LRIG3: variants seen among roughly 807,000 people sequenced by gnomAD.
LRIG3 encodes leucine rich repeats and immunoglobulin like domains 3, also known as leucine-rich repeats and immunoglobulin-like domains protein 3.
In LRIG3, 76 loss-of-function variants were observed where a neutral mutation model predicts 114.5. That is an observed-to-expected ratio of 0.66 (90% confidence interval 0.55 to 0.80). The LOEUF (loss-of-function observed/expected upper bound fraction) is 0.80, where lower values mean the gene tolerates loss of function less well. Ranked by LOEUF, LRIG3 falls within the 30% of genes least tolerant of loss-of-function variation. The pLI is 0.00. For synonymous variants in LRIG3, 512 were observed against 519.8 expected (o/e 0.98, Z 0.20); for missense variants, 1,239 against 1,382.8 (o/e 0.90, Z 1.65).
At position 58,874,332 on chromosome 12, in the gene LRIG3, T is replaced by C. The variant is rs1870839485; in HGVS notation, c.2840-2A>G. On this transcript the variant is annotated splice_acceptor_variant, in intron 17 of 18. Coordinates refer to ENST00000320743, the MANE Select transcript of LRIG3 (RefSeq NM_153377.5). LOFTEE classifies it high-confidence loss of function. ...CTGTTCTTGGGTCAGGACTGCAACC[T>C]TTTTAATATGGGGGCAGTAACAGAA... 1 of 1,606,682 alleles carries C rather than the reference T, an allele frequency of 6.2e-7. No homozygotes were observed. The highest frequency in any genetic ancestry group is 8.5e-7 in the Non-Finnish European group (1 of 1,176,792).
intron 1 of LRIG3, 75 bp from the exon 2 acceptor site, chr12:58,914,411 T>C: frequency 8.7e-7 from 1 of 1,148,490 alleles, no homozygotes; most frequent in Non-Finnish European, 1.3e-6. Flanking sequence ...TTATGAAGTA[T>C]CTCTATGAAC....
At chr12:58,889,874 A>T in intron 5 of LRIG3, 122 bp downstream of exon 5, 3 of 1,260,990 alleles carry the variant, frequency 2.4e-6, no homozygotes, top group South Asian at 3.2e-5. Flanking sequence ...TCCAACTCTC[A>T]AAGGAAAGGC....
At chr12:58,905,598 C>T (rs1305598854) in intron 3 of LRIG3, among the ~76,000 whole-genome samples, 1 of 152,120 alleles carries the variant, frequency 6.6e-6, no homozygotes, top group Non-Finnish European at 1.5e-5. Context: ...GTGGTCGTAC[C>T]GATAGGCCCT....
rs1448332587 is a variant in LRIG3 at position 58,885,871 on chromosome 12, T to C, written c.1204A>G (p.Thr402Ala). Reference sequence around the variant, plus strand: ...TCCAAACCAGTGAAGGCTTTTTTAGTAATAGAACGGATCCGATTTCCTTGG... The same window carrying C: ...TCCAAACCAGTGAAGGCTTTTTTAGCAATAGAACGGATCCGATTTCCTTGG... ...ILQGNRIRSI[T>A]KKAFTGLDAL... The change falls in exon 10 of 19, where the codon ACT (threonine) becomes GCT (alanine). Residue 402 changes from threonine to alanine, a missense_variant. By Grantham distance (58) the Thr-to-Ala change is moderately conservative. Coordinates refer to ENST00000320743, the MANE Select transcript of LRIG3 (RefSeq NM_153377.5). 3.1e-6 allele frequency: 5 copies of C among 1,591,406 alleles called. No individual in the cohort carries two copies. Among genetic ancestry groups the C allele is most frequent in the African/African-American group, 1.3e-5 (1 of 74,418 alleles).
At chr12:58,897,183 C>T (rs910123110) in intron 3 of LRIG3, among the ~76,000 whole-genome samples, 18 of 152,148 alleles carry the variant, frequency 1.2e-4, no homozygotes, top group Non-Finnish European at 5.9e-5. Flanking sequence ...ATTGGTACTG[C>T]AGCATCAAAG....
intron 4 of LRIG3, 142 bp from the exon 5 acceptor site, chr12:58,890,281 C>A: frequency 1.1e-6 from 1 of 896,496 alleles, no homozygotes; most frequent in South Asian, 2.2e-5. Flanking sequence ...TCCTCAAGGA[C>A]AGATGTTAAG....
intron 13 of LRIG3, 79 bp from the exon 14 acceptor site, chr12:58,879,184 T>C: frequency 6.9e-7 from 1 of 1,443,946 alleles, no homozygotes. Flanking sequence ...ATTATTTGTT[T>C]GTTTGTTTGA....
At position 58,914,330 on chromosome 12, in the gene LRIG3, T is replaced by TC; in HGVS notation, c.242_243insG (p.Ser82LysfsTer28). On this transcript the variant is annotated frameshift_variant, in exon 2 of 19. Coordinates refer to ENST00000320743, the MANE Select transcript of LRIG3 (RefSeq NM_153377.5). LOFTEE classifies it high-confidence loss of function. ...TGATGAAAGATAATCTGTTGTGACT[T>TC]AAGTCCCTATAAGAAAACAAAAATA... 1 of 1,611,722 alleles carries TC rather than the reference T, an allele frequency of 6.2e-7. No homozygotes were observed. Among genetic ancestry groups the TC allele is most frequent in the Non-Finnish European group, 8.5e-7 (1 of 1,178,360 alleles).
At chr12:58,894,774 T>C (rs1871582358) in intron 3 of LRIG3, among the ~76,000 whole-genome samples, 1 of 152,266 alleles carries the variant, frequency 6.6e-6, no homozygotes, top group African/African-American at 2.4e-5. Flanking sequence ...CTTTCCATTG[T>C]TCAAAAATCA....
In LRIG3 at chr12:58,895,353, C is replaced by A. The variant is rs1391066909; in HGVS notation, c.384-4557G>T. On this transcript the variant is annotated intron_variant, in intron 3 of 18. Coordinates refer to ENST00000320743, the MANE Select transcript of LRIG3 (RefSeq NM_153377.5). ...AGAATGTTGGAGGTCAGCAAAACTT[C>A]CCAAAGGAAGGGAAGAAACGGCCAC... Among the ~76,000 whole-genome samples, 5 of 152,214 alleles carry A rather than the reference C, an allele frequency of 3.3e-5. No homozygotes were observed. The East Asian group carries it at 9.7e-4, about 29-fold the overall frequency.
At chr12:58,906,067 G>A (rs1443372469) in intron 3 of LRIG3, among the ~76,000 whole-genome samples, 1 of 152,020 alleles carries the variant, frequency 6.6e-6, no homozygotes, top group Non-Finnish European at 1.5e-5. Context: ...AAATTTGGCA[G>A]TAAAGATGTC....
Position 58,883,501 on chromosome 12 carries a change from A to G in LRIG3, c.1316+19T>C, listed in dbSNP as rs147347847. The G allele has an allele frequency of 1.5e-4, 227 of 1,520,248 alleles. 1 individual carries two copies. The African/African-American group carries it at 2.7e-3, about 18-fold the overall frequency. 94.2% of individuals were successfully genotyped at this position (1,520,248 alleles called of 1,614,324 possible). A position where few individuals can be genotyped will look rare whatever the true frequency, so the allele number is the denominator to read the frequency against. On this transcript the variant is annotated intron_variant, in intron 11 of 18. Transcript: ENST00000320743. ...CCCCTCTATACTTTCAGACTCCTAGAAGGAAAAGAAAAGCTTACAATTGTT... is the reference window on the plus strand; with the variant it reads ...CCCCTCTATACTTTCAGACTCCTAGGAGGAAAAGAAAAGCTTACAATTGTT...
rs781076651 is a variant in LRIG3, at chr12:58,919,982, C to T, written c.236+18G>A. On this transcript the variant is annotated intron_variant, in intron 1 of 18. Coordinates refer to ENST00000320743, the MANE Select transcript of LRIG3 (RefSeq NM_153377.5). ...TCCAGCGGCCCGGGCCCCCTCCCCC[C>T]GCGGGAAGAATACTTACAGCCGAGC... is the stretch of plus-strand genomic sequence containing the variant. 5.0e-5 allele frequency: 77 copies of T among 1,548,750 alleles called. 1 individual carries two copies. The highest frequency in any genetic ancestry group is 3.0e-4 in the South Asian group (25 of 84,044).
In LRIG3 at chr12:58,890,944, G is replaced by C. The variant is rs1871437220; in HGVS notation, c.384-148C>G. ...TTAAAAGTTAAAGAGCAATACCATG[G>C]CCATTTTAAGTTATTCATTAAATTA... is the stretch of plus-strand genomic sequence containing the variant. On this transcript the variant is annotated intron_variant, in intron 3 of 18. Transcript: ENST00000320743. The C allele has an allele frequency of 2.8e-5, 15 of 533,510 alleles. 1 individual carries two copies. In the South Asian group the frequency reaches 5.1e-4, roughly 18 times the overall value. The allele number at this position is 533,510 out of a possible 1,614,324, so 33.0% of individuals were successfully genotyped here.
chr12:58,879,054 G>A lies in LRIG3; in HGVS notation c.1853C>T (p.Ala618Val), dbSNP rs369228831. Residue 618 changes from alanine (A) to valine (V), a missense_variant, in exon 14 of 19, where the codon GCC (alanine) becomes GTC (valine). By Grantham distance (64) the Ala-to-Val change is moderately conservative (BLOSUM62 0). Transcript: ENST00000320743. ...AGCAGCACACTCCAAGCGTGCCATGGCCCCAGCTCGGATGGTGAGATCCAT... is the reference window on the plus strand; with the variant it reads ...AGCAGCACACTCCAAGCGTGCCATGACCCCAGCTCGGATGGTGAGATCCAT... ...TPMDLTIRAG[A>V]MARLECAAVG... 6.2e-7 allele frequency: 1 copy of A among 1,614,004 alleles called. No homozygotes were observed. Among genetic ancestry groups the A allele is most frequent in the African/African-American group, 1.3e-5 (1 of 74,932 alleles).
At chr12:58,893,607 T>C (rs936777720) in intron 3 of LRIG3, among the ~76,000 whole-genome samples, 1 of 152,168 alleles carries the variant, frequency 6.6e-6, no homozygotes, top group Non-Finnish European at 1.5e-5. Flanking sequence ...AGACAATTAG[T>C]CAATTCCTAG....
intron 3 of LRIG3, among the ~76,000 whole-genome samples, chr12:58,895,568 C>T (rs17120227): frequency 0.077 from 11,754 of 152,144 alleles, 494 homozygotes; most frequent in East Asian, 0.11. Context: ...GTGAGGCCGC[C>T]GGGAGATGAC....
rs190763272 is a variant in LRIG3 at position 58,876,828 on chromosome 12, C to T, written c.2537-225G>A. Reference sequence around the variant, plus strand: ...TTTCTGTTTTATCACCCATTGGATGCACCTCCCAAATTTCAAAACAACAAA... The same window carrying T: ...TTTCTGTTTTATCACCCATTGGATGTACCTCCCAAATTTCAAAACAACAAA... On this transcript the variant is annotated intron_variant, in intron 15 of 18. Transcript: ENST00000320743. 5.8e-3 allele frequency among the ~76,000 whole-genome samples: 888 copies of T among 152,332 alleles called. 9 individuals carry two copies. The highest frequency in any genetic ancestry group is 0.02 in the African/African-American group (847 of 41,564).
intron 15 of LRIG3, among the ~76,000 whole-genome samples, 176 bp from the exon 16 acceptor site, chr12:58,876,779 C>T (rs147932549): frequency 2.6e-5 from 4 of 152,294 alleles, no homozygotes; most frequent in African/African-American, 9.6e-5. Flanking sequence ...TAGGGCTTTG[C>T]TGCTCTGGGA....
Sources: allele counts gnomAD v4.1 joint callset (sites outside exome capture counted in the v4.1 genomes callset), GRCh38; gene constraint gnomAD v4.1.1; transcripts MANE v1.5; gene names NCBI Gene and HGNC (gene_info 2026-07-23, HGNC 2026-07-21).